The following ZSWIM6 variants were observed in gnomAD, a reference collection of about 807,000 sequenced individuals.
ZSWIM6 encodes zinc finger SWIM domain-containing protein 6.
ZSWIM6 carries 9 observed loss-of-function variants against 113.2 expected under a neutral mutation model. The ratio of observed to expected loss-of-function variants is 0.08; its 90% confidence interval spans 0.05 to 0.14. The LOEUF is 0.14. ZSWIM6 is among the 10% of genes least tolerant of loss of function. The pLI, the probability that ZSWIM6 is intolerant of heterozygous loss-of-function variation, is 1.00. For missense variants in ZSWIM6, 1,162 were observed against 1,552.2 expected (o/e 0.75, Z 4.22); for synonymous variants, 611 against 606.5 (o/e 1.01, Z -0.11).
At chr5:61,537,990 G>A (rs1220108759) in intron 10 of ZSWIM6, among the ~76,000 whole-genome samples, 1 of 152,142 alleles carries the variant, frequency 6.6e-6, no homozygotes, top group Non-Finnish European at 1.5e-5. Flanking sequence ...CCTGGCTGGA[G>A]TGCGGTGTGG....
At chr5:61,387,639 G>T (rs1330108582) in intron 1 of ZSWIM6, among the ~76,000 whole-genome samples, 1 of 152,170 alleles carries the variant, frequency 6.6e-6, no homozygotes, top group Non-Finnish European at 1.5e-5. Context: ...GGGCACAGTG[G>T]CTCATGCTTG....
intron 1 of ZSWIM6, among the ~76,000 whole-genome samples, chr5:61,411,405 CT>C (rs1382424397): frequency 6.6e-6 from 1 of 152,148 alleles, no homozygotes; most frequent in African/African-American, 2.4e-5. Context: ...AAACAACCCC[CT>C]AATTGGAAGC....
intron 2 of ZSWIM6, among the ~76,000 whole-genome samples, chr5:61,473,535 T>C (rs889460208): frequency 1.3e-5 from 2 of 152,232 alleles, no homozygotes; most frequent in Admixed American, 6.5e-5. Flanking sequence ...AAAAGTTTTC[T>C]TTTAAAACTT....
chr5:61,502,155 C>T (rs777392214), intron 4 of ZSWIM6, among the ~76,000 whole-genome samples: 6 of 152,190 alleles, frequency 3.9e-5, no homozygotes, highest in South Asian at 2.1e-4. Context: ...TGAGAAGCTT[C>T]GTTTTAAGCC....
intron 1 of ZSWIM6, among the ~76,000 whole-genome samples, chr5:61,339,845 T>A (rs1447506964): frequency 6.6e-6 from 1 of 152,258 alleles, no homozygotes; most frequent in Non-Finnish European, 1.5e-5. Context: ...TTTATTAATT[T>A]TTTAACATGT....
At chr5:61,374,857 G>A (rs114723804) in intron 1 of ZSWIM6, among the ~76,000 whole-genome samples, 1,730 of 152,188 alleles carry the variant, frequency 0.011, 24 homozygotes, top group African/African-American at 0.039. Flanking sequence ...GCCCGGCAGG[G>A]TTGTTTCTTA....
chr5:61,387,097 TGCTTATGTCAGAAAATA>T (rs1424837914), intron 1 of ZSWIM6, among the ~76,000 whole-genome samples: 6 of 149,396 alleles, frequency 4.0e-5, no homozygotes, highest in African/African-American at 1.5e-4. Flanking sequence ...TGCTGGTAGT[TGCTTATGTCAGAAAATA>T]GCTTTCTATG....
intron 1 of ZSWIM6, among the ~76,000 whole-genome samples, chr5:61,415,201 C>T (rs916316859): frequency 7.9e-5 from 12 of 151,986 alleles, no homozygotes; most frequent in South Asian, 2.1e-4. Context: ...AGTTTATGAT[C>T]GAAAATGTAT....
intron 1 of ZSWIM6, among the ~76,000 whole-genome samples, chr5:61,428,750 T>C (rs1383747182): frequency 6.6e-6 from 1 of 152,240 alleles, no homozygotes; most frequent in Non-Finnish European, 1.5e-5. Context: ...CCCATTTCAT[T>C]AGATATCTTC....
intron 1 of ZSWIM6, among the ~76,000 whole-genome samples, chr5:61,419,444 A>G (rs1746313886): frequency 6.6e-6 from 1 of 152,174 alleles, no homozygotes; most frequent in South Asian, 2.1e-4. Context: ...AGGCTATACC[A>G]TTTGGATGTT....
chr5:61,435,019 C>G (rs1026792680), intron 1 of ZSWIM6, among the ~76,000 whole-genome samples: 2 of 151,972 alleles, frequency 1.3e-5, no homozygotes, highest in Non-Finnish European at 2.9e-5. Flanking sequence ...GTGAAAAGAC[C>G]CTTGTACTGG....
chr5:61,526,109 G>A (rs1480267123), intron 6 of ZSWIM6, 133 bp downstream of exon 6: 1 of 1,417,228 alleles, frequency 7.1e-7, no homozygotes, highest in Non-Finnish European at 9.4e-7. Context: ...TAGGAGCTGA[G>A]ATTTTCATTC....
chr5:61,504,183 T>G (rs1285513295), intron 4 of ZSWIM6, among the ~76,000 whole-genome samples: 12 of 152,194 alleles, frequency 7.9e-5, no homozygotes, highest in Non-Finnish European at 1.8e-4. Flanking sequence ...ATTTTCTTCT[T>G]CTGCTTTATC....
intron 1 of ZSWIM6, among the ~76,000 whole-genome samples, chr5:61,437,365 C>T (rs935992258): frequency 1.3e-5 from 2 of 152,024 alleles, no homozygotes; most frequent in Non-Finnish European, 2.9e-5. Flanking sequence ...ACTGCGGGCA[C>T]CTGAGATTGC....
chr5:61,384,800 G>A (rs1745560200), intron 1 of ZSWIM6, among the ~76,000 whole-genome samples: 1 of 152,156 alleles, frequency 6.6e-6, no homozygotes, highest in Non-Finnish European at 1.5e-5. Flanking sequence ...GGTCACACCT[G>A]TAATCCCAGC....
chr5:61,390,457 A>G (rs1350714630), intron 1 of ZSWIM6, among the ~76,000 whole-genome samples: 1 of 152,136 alleles, frequency 6.6e-6, no homozygotes, highest in Non-Finnish European at 1.5e-5. Context: ...TGTTTTCCAA[A>G]ATATTTTTAA....
chr5:61,397,828 A>G (rs1429742100), intron 1 of ZSWIM6, among the ~76,000 whole-genome samples: 1 of 152,174 alleles, frequency 6.6e-6, no homozygotes, highest in East Asian at 1.9e-4. Context: ...TACTTAATCC[A>G]CGTTGAGAGG....
chr5:61,443,517 A>G (rs1324343517), intron 1 of ZSWIM6, among the ~76,000 whole-genome samples: 1 of 152,140 alleles, frequency 6.6e-6, no homozygotes, highest in Non-Finnish European at 1.5e-5. Flanking sequence ...TATCCAGAAA[A>G]AGTTAGATTG....
intron 2 of ZSWIM6, among the ~76,000 whole-genome samples, chr5:61,487,049 T>G (rs1007552555): frequency 6.6e-6 from 1 of 152,012 alleles, no homozygotes; most frequent in East Asian, 1.9e-4. Context: ...AGTATTTTTA[T>G]AGTTACAGGT....
Sources: allele counts gnomAD v4.1 joint callset (sites outside exome capture counted in the v4.1 genomes callset), GRCh38; gene constraint gnomAD v4.1.1; transcripts MANE v1.5; gene names NCBI Gene and HGNC (gene_info 2026-07-23, HGNC 2026-07-21).